The following OXR1 variants were observed in gnomAD, a reference collection of about 807,000 sequenced individuals.
OXR1 encodes the protein oxidation resistance 1.
In OXR1, 41 loss-of-function variants were observed where a neutral mutation model predicts 104.6. The observed-to-expected ratio is 0.39, with a 90% CI of 0.31 to 0.51. The LOEUF (loss-of-function observed/expected upper bound fraction) is 0.51, where lower values mean the gene tolerates loss of function less well. OXR1 is among the 20% of genes least tolerant of loss of function. OXR1 has a pLI of 0.77. For missense variants in OXR1, 955 were observed against 1,031.9 expected (o/e 0.93, Z 1.02); for synonymous variants, 348 against 348.4 (o/e 1.00, Z 0.01).
chr8:106,356,300 G>T (rs1815968146), intron 1 of OXR1, among the ~76,000 whole-genome samples: 1 of 152,140 alleles, frequency 6.6e-6, no homozygotes. Flanking sequence ...GCAGAGAATG[G>T]ATTTACAATT....
At chr8:106,361,347 C>A (rs1248323412) in intron 2 of OXR1, among the ~76,000 whole-genome samples, 1 of 152,110 alleles carries the variant, frequency 6.6e-6, no homozygotes, top group Non-Finnish European at 1.5e-5. Context: ...AGAAATGATT[C>A]TTGGATATTT....
chr8:106,617,001 A>G (rs947915343), intron 3 of OXR1, among the ~76,000 whole-genome samples: 1 of 152,208 alleles, frequency 6.6e-6, no homozygotes, highest in African/African-American at 2.4e-5. Flanking sequence ...AAATGTGATG[A>G]CAGGGAAGAA....
intron 3 of OXR1, among the ~76,000 whole-genome samples, chr8:106,615,710 G>C (rs1026974084): frequency 3.3e-5 from 5 of 152,016 alleles, no homozygotes; most frequent in African/African-American, 1.2e-4. Flanking sequence ...ATTTGAACAG[G>C]AACATCAAGG....
intron 2 of OXR1, among the ~76,000 whole-genome samples, chr8:106,466,200 A>G (rs1821161933): frequency 6.6e-6 from 1 of 151,980 alleles, no homozygotes; most frequent in African/African-American, 2.4e-5. Flanking sequence ...CTTACTTTAG[A>G]TGATTTCTGA....
intron 3 of OXR1, among the ~76,000 whole-genome samples, chr8:106,596,779 G>T (rs1245065590): frequency 6.6e-6 from 1 of 152,078 alleles, no homozygotes; most frequent in South Asian, 2.1e-4. Flanking sequence ...ATGGGGCCGG[G>T]TGCGGTGGCT....
In OXR1 at chr8:106,405,175, T is replaced by C. The variant is rs1248102850; in HGVS notation, c.23+45539T>C. Among the ~76,000 whole-genome samples, 106 of 32,070 alleles carry C rather than the reference T, an allele frequency of 3.3e-3. 5 individuals carry two copies. The highest frequency in any genetic ancestry group is 0.02 in the African/African-American group (101 of 5,018). The allele number at this position is 32,070 out of a possible 152,430, so 21.0% of individuals were successfully genotyped here. On this transcript the variant is annotated intron_variant, in intron 2 of 16. Transcript: ENST00000517566. ...ATATATATATATATATATATATATA[T>C]ATATATATATATATATATATATATA...
At chr8:106,441,965 T>C (rs1489557044) in intron 2 of OXR1, among the ~76,000 whole-genome samples, 1 of 152,030 alleles carries the variant, frequency 6.6e-6, no homozygotes, top group East Asian at 1.9e-4. Flanking sequence ...TGAATAGGAG[T>C]GGTGAGAGAG....
chr8:106,662,311 A>G (rs1300601176), intron 3 of OXR1, among the ~76,000 whole-genome samples: 1 of 152,206 alleles, frequency 6.6e-6, no homozygotes, highest in Non-Finnish European at 1.5e-5. Context: ...CATTTTTATG[A>G]CTTGAATTAT....
chr8:106,634,535 G>T (rs1332438894), intron 3 of OXR1, among the ~76,000 whole-genome samples: 1 of 152,150 alleles, frequency 6.6e-6, no homozygotes, highest in African/African-American at 2.4e-5. Flanking sequence ...AGTGATGGAG[G>T]TGGAAGTGGA....
intron 3 of OXR1, among the ~76,000 whole-genome samples, chr8:106,630,322 C>T (rs1822562819): frequency 6.6e-6 from 1 of 152,148 alleles, no homozygotes; most frequent in South Asian, 2.1e-4. Context: ...CATTCAATCT[C>T]TGAACAGAGA....
chr8:106,732,959 C>T (rs1303256813), intron 11 of OXR1, among the ~76,000 whole-genome samples: 2 of 152,102 alleles, frequency 1.3e-5, no homozygotes. Context: ...TGTATAATTT[C>T]TTCGTAAATG....
intron 4 of OXR1, among the ~76,000 whole-genome samples, chr8:106,680,814 ATTC>A (rs1262653992): frequency 2.6e-5 from 4 of 152,090 alleles, no homozygotes; most frequent in African/African-American, 9.7e-5. Flanking sequence ...CCTCTTACCA[ATTC>A]TTCTTCCTCC....
Position 106,751,832 on chromosome 8 carries a change from C to T in OXR1, c.*891C>T, listed in dbSNP as rs1835907932. The T allele has an allele frequency of 1.3e-5, 2 of 152,014 alleles. No homozygotes were observed. The highest frequency in any genetic ancestry group is 4.8e-5 in the African/African-American group (2 of 41,280). 9.4% of individuals were successfully genotyped at this position (152,014 alleles called of 1,614,324 possible). A position where few individuals can be genotyped will look rare whatever the true frequency, so the allele number is the denominator to read the frequency against. On this transcript the variant is annotated 3_prime_UTR_variant, in exon 17 of 17. Coordinates refer to ENST00000517566, the MANE Select transcript of OXR1 (RefSeq NM_001198533.2). ...TGGTTGTTTTAGCCTTATTGCACACCAACTCCCAAAATATAGGTTACTCTT... is the reference window on the plus strand; with the variant it reads ...TGGTTGTTTTAGCCTTATTGCACACTAACTCCCAAAATATAGGTTACTCTT...
chr8:106,281,051 T>C (rs1812259013), intron 1 of OXR1, among the ~76,000 whole-genome samples: 1 of 152,088 alleles, frequency 6.6e-6, no homozygotes, highest in Non-Finnish European at 1.5e-5. Flanking sequence ...CCCCAGATTT[T>C]TCTCTCATGT....
At chr8:106,452,195 G>A (rs904534876) in intron 2 of OXR1, among the ~76,000 whole-genome samples, 3 of 152,078 alleles carry the variant, frequency 2.0e-5, no homozygotes, top group Non-Finnish European at 4.4e-5. Context: ...GATACAAGAT[G>A]GAAACCGAAC....
intron 7 of OXR1, chr8:106,697,720 T>A (rs1830191945): frequency 6.2e-7 from 1 of 1,613,914 alleles, no homozygotes; most frequent in Admixed American, 1.7e-5. Flanking sequence ...CTCAGCTGCT[T>A]GCAGGAACTG....
chr8:106,750,496 T>A (rs1835808584), intron 16 of OXR1, among the ~76,000 whole-genome samples: 1 of 151,772 alleles, frequency 6.6e-6, no homozygotes, highest in South Asian at 2.1e-4. Context: ...TGGCTAATTT[T>A]TTTTGTATTT....
At chr8:106,612,471 T>A (rs772228361) in intron 3 of OXR1, among the ~76,000 whole-genome samples, 1 of 152,146 alleles carries the variant, frequency 6.6e-6, no homozygotes, top group Non-Finnish European at 1.5e-5. Context: ...TTCAGATGAC[T>A]TTTTATAGAA....
chr8:106,443,975 A>G (rs1245045254), intron 2 of OXR1, among the ~76,000 whole-genome samples: 2 of 152,130 alleles, frequency 1.3e-5, no homozygotes, highest in Admixed American at 1.3e-4. Context: ...AAAATTTAAA[A>G]GGAACTTAAA....
Sources: gnomAD v4.1 joint callset for allele counts (sites outside exome capture counted in the v4.1 genomes callset) on GRCh38, gnomAD v4.1.1 for gene constraint, MANE v1.5 for transcripts, NCBI Gene and HGNC (gene_info 2026-07-23, HGNC 2026-07-21) for gene names.